ZMYM4: variants seen among roughly 807,000 people sequenced by gnomAD.
ZMYM4 encodes the protein zinc finger MYM-type protein 4.
Under a neutral mutation model 183.2 loss-of-function variants are expected in ZMYM4, and 31 were observed. That is an observed-to-expected ratio of 0.17 (90% CI 0.13 to 0.23). The LOEUF (loss-of-function observed/expected upper bound fraction) is 0.23, where lower values mean the gene tolerates loss of function less well. Ranked by LOEUF, ZMYM4 falls within the 10% of genes least tolerant of loss-of-function variation. The pLI is 1.00. For missense variants in ZMYM4, 1,273 were observed against 1,840.3 expected, an observed-to-expected ratio of 0.69 and a Z score of 5.64; for synonymous variants, 592 against 631.2, an observed-to-expected ratio of 0.94 and a Z score of 0.93.
chr1:35,387,569 G>C lies in ZMYM4; in HGVS notation c.2228G>C (p.Arg743Pro), dbSNP rs1477465270. The change falls in exon 13 of 30, where the codon CGG becomes CCG. Residue 743 changes from arginine (R) to proline (P), a missense_variant. By Grantham distance (103) the Arg-to-Pro change is moderately radical. Coordinates refer to ENST00000314607, the MANE Select transcript of ZMYM4 (RefSeq NM_005095.3). ...KIEKIVKETV[R>P]FSGADKSFCS... is the part of the protein sequence containing the mutation. Reference sequence around the variant, plus strand: ...GAGAAAATTGTAAAGGAGACTGTTCGGTTCTCAGGTGCTGACAAGTCATTC... The same window carrying C: ...GAGAAAATTGTAAAGGAGACTGTTCCGTTCTCAGGTGCTGACAAGTCATTC... 6.2e-7 allele frequency: 1 copy of C among 1,613,262 alleles called. No homozygotes were observed. The highest frequency in any genetic ancestry group is 1.7e-4 in the Middle Eastern group (1 of 6,056).
intron 18 of ZMYM4, 77 bp from the exon 19 acceptor site, chr1:35,396,475 G>A (rs1644810560): frequency 4.4e-6 from 7 of 1,576,710 alleles, no homozygotes; most frequent in Non-Finnish European, 6.0e-6. Context: ...ACCTCCATAA[G>A]CTTTTTTATT....
chr1:35,364,648 A>C (rs1200163624), intron 5 of ZMYM4, among the ~76,000 whole-genome samples: 1 of 152,180 alleles, frequency 6.6e-6, no homozygotes, highest in African/African-American at 2.4e-5. Flanking sequence ...TAGATTTTAC[A>C]GTTGTGGTCA....
intron 1 of ZMYM4, among the ~76,000 whole-genome samples, chr1:35,283,105 A>G (rs187338126): frequency 7.5e-4 from 102 of 136,190 alleles, no homozygotes; most frequent in African/African-American, 2.7e-3. Flanking sequence ...TTCTGGGTTC[A>G]GGTGATTCTT....
chr1:35,348,219 A>G (rs899244074), intron 2 of ZMYM4, among the ~76,000 whole-genome samples: 2 of 152,244 alleles, frequency 1.3e-5, no homozygotes, highest in Admixed American at 6.5e-5. Context: ...ACTCATTTCT[A>G]TCAGAAATGT....
At chr1:35,333,284 G>A (rs984436545) in intron 2 of ZMYM4, among the ~76,000 whole-genome samples, 13 of 140,974 alleles carry the variant, frequency 9.2e-5, no homozygotes, top group Non-Finnish European at 1.5e-4. Context: ...TTGAGACAGA[G>A]TCTTGCTCTG....
intron 1 of ZMYM4, among the ~76,000 whole-genome samples, chr1:35,287,888 G>A (rs1329940264): frequency 6.6e-6 from 1 of 152,142 alleles, no homozygotes; most frequent in Non-Finnish European, 1.5e-5. Context: ...ACAGACGTGA[G>A]CCCCCACTCC....
chr1:35,348,427 T>C (rs1278348982), intron 2 of ZMYM4, among the ~76,000 whole-genome samples: 1 of 152,278 alleles, frequency 6.6e-6, no homozygotes, highest in Non-Finnish European at 1.5e-5. Flanking sequence ...TATGATACAC[T>C]TCGCTTTCTG....
At chr1:35,367,405 T>C (rs1644111691) in intron 5 of ZMYM4, among the ~76,000 whole-genome samples, 4 of 151,814 alleles carry the variant, frequency 2.6e-5, no homozygotes, top group Non-Finnish European at 1.5e-5. Flanking sequence ...ATTTCTGTAA[T>C]TTTAGTAGAG....
In ZMYM4 at chr1:35,359,401, A is replaced by G; in HGVS notation, c.562A>G (p.Lys188Glu). 2 of 1,580,562 alleles carry G rather than the reference A, an allele frequency of 1.3e-6. No homozygotes were observed. The highest frequency in any genetic ancestry group is 1.7e-6 in the Non-Finnish European group (2 of 1,170,548). The part of the protein sequence containing the change: ...EREKRLDKPH[K>E]DLDSRLKSSF... ...TGAAAAACGGTTGGATAAACCCCATAAAGATTTGGATTCAAGGTTGAAAAG... is the reference window on the plus strand; with the variant it reads ...TGAAAAACGGTTGGATAAACCCCATGAAGATTTGGATTCAAGGTTGAAAAG... The change falls in exon 3 of 30, where the codon AAA (lysine) becomes GAA (glutamate). Residue 188 changes from lysine to glutamate, a missense_variant. Physicochemically the swap from Lys to Glu is moderately conservative, Grantham distance 56. This residue lies in a region of ZMYM4 where 384 missense variants were observed against 465.6 expected (regional missense o/e 0.82). Transcript: ENST00000314607.
At chr1:35,384,436 C>T (rs993543523) in intron 9 of ZMYM4, among the ~76,000 whole-genome samples, 17 of 152,088 alleles carry the variant, frequency 1.1e-4, no homozygotes, top group African/African-American at 3.9e-4. Flanking sequence ...TGGTGCTGGA[C>T]GTACTTTAAA....
chr1:35,321,653 T>C (rs1344634720), intron 1 of ZMYM4, among the ~76,000 whole-genome samples: 4 of 151,922 alleles, frequency 2.6e-5, no homozygotes, highest in Admixed American at 2.6e-4. Context: ...TCTTCACCTA[T>C]AAAATAGAGG....
Position 35,419,881 on chromosome 1 carries a change from A to C in ZMYM4, c.*204A>C. On this transcript the variant is annotated 3_prime_UTR_variant, in exon 30 of 30. Coordinates refer to ENST00000314607, the MANE Select transcript of ZMYM4 (RefSeq NM_005095.3). The stretch of plus-strand genomic sequence containing the variant: ...TATGAACTGAGAAATGTTCTTTGGC[A>C]GTGATATAGTTCTTAGACATCTTCA... 1 of 579,128 alleles carries C rather than the reference A, an allele frequency of 1.7e-6. No homozygotes were observed. The highest frequency in any genetic ancestry group is 3.1e-6 in the Non-Finnish European group (1 of 326,980). The allele number at this position is 579,128 out of a possible 1,614,324, so 35.9% of individuals were successfully genotyped here.
chr1:35,297,492 A>T (rs1280309752), intron 1 of ZMYM4, among the ~76,000 whole-genome samples: 1 of 151,654 alleles, frequency 6.6e-6, no homozygotes, highest in East Asian at 1.9e-4. Flanking sequence ...AAAAAAAAAA[A>T]TGTATATATA....
intron 15 of ZMYM4, among the ~76,000 whole-genome samples, chr1:35,390,439 G>A (rs918956376): frequency 2.0e-5 from 3 of 151,774 alleles, no homozygotes; most frequent in South Asian, 2.1e-4. Flanking sequence ...GTTCTCTGGC[G>A]AGCAGGAGTG....
At chr1:35,376,946 G>C (rs190475198) in intron 7 of ZMYM4, among the ~76,000 whole-genome samples, 2 of 151,502 alleles carry the variant, frequency 1.3e-5, no homozygotes, top group African/African-American at 2.4e-5. Context: ...TTGCCCTGTT[G>C]CCCAGGCTGA....
Position 35,389,779 on chromosome 1 carries a change from A to ATGTGTG in ZMYM4, c.2437-168_2437-167insGTGTGT, listed in dbSNP as rs879004452. The stretch of plus-strand genomic sequence containing the variant: ...CAAAAAAAAAAAAAAATATATATAT[A>ATGTGTG]TATGTGTGTGTGTGTGTGTGTGTGT... On this transcript the variant is annotated intron_variant, in intron 14 of 29. Coordinates refer to ENST00000314607, the MANE Select transcript of ZMYM4 (RefSeq NM_005095.3). The surrounding 1 kb of genome is among the most constrained non-coding windows in gnomAD (Gnocchi z 4.0). Among the ~76,000 whole-genome samples the ATGTGTG allele has an allele frequency of 5.2e-5, 6 of 114,292 alleles. No individual in the cohort carries two copies. The highest frequency in any genetic ancestry group is 3.0e-4 in the African/African-American group (5 of 16,646). 75.0% of individuals were successfully genotyped at this position (114,292 alleles called of 152,430 possible).
intron 7 of ZMYM4, among the ~76,000 whole-genome samples, chr1:35,372,244 G>A (rs901058701): frequency 3.9e-5 from 6 of 152,020 alleles, no homozygotes; most frequent in Non-Finnish European, 5.9e-5. Context: ...TTTATAAAAG[G>A]GAATTTAAAA....
chr1:35,305,279 CAG>C (rs1041930565), intron 1 of ZMYM4, among the ~76,000 whole-genome samples: 3 of 152,206 alleles, frequency 2.0e-5, no homozygotes, highest in African/African-American at 7.2e-5. Flanking sequence ...TTCTAACTGA[CAG>C]AACTATAAAT....
intron 2 of ZMYM4, among the ~76,000 whole-genome samples, chr1:35,330,411 G>A (rs745323295): frequency 2.0e-5 from 3 of 152,122 alleles, no homozygotes; most frequent in Non-Finnish European, 2.9e-5. Context: ...GTAGCGTGGT[G>A]TTCTAGGATG....
Sources: gnomAD v4.1 joint callset for allele counts (sites outside exome capture counted in the v4.1 genomes callset) on GRCh38, gnomAD v4.1.1 for gene constraint, gnomAD v4.1.1 regional missense constraint, Gnocchi (gnomAD v3.1) non-coding constraint, MANE v1.5 for transcripts, NCBI Gene and HGNC (gene_info 2026-07-23, HGNC 2026-07-21) for gene names.